Variants in RFX3 observed in about 807,000 individuals in gnomAD.
RFX3 encodes regulatory factor X3.
A neutral mutation model predicts 98.6 loss-of-function variants in RFX3; 14 were observed. The ratio of observed to expected loss-of-function variants is 0.14; its 90% CI spans 0.09 to 0.22. The LOEUF (loss-of-function observed/expected upper bound fraction) is 0.22. RFX3 is among the 10% of genes least tolerant of loss of function. RFX3 has a pLI of 1.00. For missense variants in RFX3, 639 were observed against 926.9 expected, an observed-to-expected ratio of 0.69 and a Z score of 4.03; for synonymous variants, 383 against 328.4, an observed-to-expected ratio of 1.17 and a Z score of -1.80.
chr9:3,501,554 C>CTTTTTTT (rs1051300818), intron 1 of RFX3, among the ~76,000 whole-genome samples: 1 of 122,636 alleles, frequency 8.2e-6, no homozygotes, highest in Non-Finnish European at 1.7e-5. Flanking sequence ...TTTTTTCCTT[C>CTTTTTTT]TTTTTTTTTT....
intron 1 of RFX3, among the ~76,000 whole-genome samples, chr9:3,478,137 TC>T: frequency 6.6e-6 from 1 of 152,280 alleles, no homozygotes; most frequent in South Asian, 2.1e-4. Context: ...AAATCTAGGC[TC>T]CCACAGGGAC....
At chr9:3,375,946 C>T (rs1040088040) in intron 2 of RFX3, among the ~76,000 whole-genome samples, 7 of 150,868 alleles carry the variant, frequency 4.6e-5, no homozygotes, top group East Asian at 1.9e-4. Context: ...GGTGACAGAG[C>T]GAGACTCCAT....
chr9:3,433,098 C>T (rs888787235), intron 1 of RFX3, among the ~76,000 whole-genome samples: 3 of 152,110 alleles, frequency 2.0e-5, no homozygotes, highest in East Asian at 1.9e-4. Context: ...CGGCCCCATA[C>T]ATGTGGGTTG....
At chr9:3,343,697 C>T (rs1201231607) in intron 3 of RFX3, among the ~76,000 whole-genome samples, 1 of 152,166 alleles carries the variant, frequency 6.6e-6, no homozygotes, top group Non-Finnish European at 1.5e-5. Context: ...AATGATGCTA[C>T]AGAACCTTTA....
intron 4 of RFX3, among the ~76,000 whole-genome samples, chr9:3,314,525 T>C (rs1041227062): frequency 2.0e-5 from 3 of 152,156 alleles, no homozygotes; most frequent in African/African-American, 7.2e-5. Context: ...CATAACTATA[T>C]TAACCTTAAA....
intron 1 of RFX3, among the ~76,000 whole-genome samples, chr9:3,490,948 T>C (rs1368256421): frequency 6.6e-6 from 1 of 152,124 alleles, no homozygotes; most frequent in Non-Finnish European, 1.5e-5. Flanking sequence ...CATGTATGTG[T>C]TTATGTATGT....
intron 15 of RFX3, among the ~76,000 whole-genome samples, chr9:3,230,314 T>C (rs1350878607): frequency 6.6e-6 from 1 of 152,208 alleles, no homozygotes; most frequent in Non-Finnish European, 1.5e-5. Context: ...ATGTAATTAT[T>C]AGTATGTTTA....
intron 1 of RFX3, among the ~76,000 whole-genome samples, chr9:3,442,326 C>T (rs1185879460): frequency 6.6e-6 from 1 of 151,750 alleles, no homozygotes; most frequent in African/African-American, 2.4e-5. Flanking sequence ...ATGAGAAAGG[C>T]ACCTCTCCCA....
chr9:3,461,474 A>G (rs1229460565), intron 1 of RFX3, among the ~76,000 whole-genome samples: 1 of 152,028 alleles, frequency 6.6e-6, no homozygotes, highest in Non-Finnish European at 1.5e-5. Context: ...TACATCTATC[A>G]GTTTTCTCAT....
rs369805439 is a variant in RFX3 at position 3,467,125 on chromosome 9, TG to T, written c.-9+58621del. Among the ~76,000 whole-genome samples the T allele has an allele frequency of 7.3e-4, 69 of 95,092 alleles. 1 individual carries two copies. The highest frequency in any genetic ancestry group is 5.5e-3 in the African/African-American group (57 of 10,404). 62.4% of individuals were successfully genotyped at this position (95,092 alleles called of 152,430 possible). A position where few individuals can be genotyped will look rare whatever the true frequency, so the allele number is the denominator to read the frequency against. ...GTATATATGTATATACATACATATA[TG>T]TAAGTATATATGTATATACATAATA... On this transcript the variant is annotated intron_variant, in intron 1 of 16. Coordinates refer to ENST00000617270, the MANE Select transcript of RFX3 (RefSeq NM_001282116.2).
chr9:3,369,491 A>C (rs1001257890), intron 2 of RFX3, among the ~76,000 whole-genome samples: 1 of 152,146 alleles, frequency 6.6e-6, no homozygotes, highest in African/African-American at 2.4e-5. Flanking sequence ...AGACCATAGA[A>C]ATTTCCAAAT....
At chr9:3,422,585 C>G (rs1007002659) in intron 1 of RFX3, among the ~76,000 whole-genome samples, 1 of 152,198 alleles carries the variant, frequency 6.6e-6, no homozygotes, top group Non-Finnish European at 1.5e-5. Flanking sequence ...ATTTACAGAT[C>G]AAATTCAACA....
At chr9:3,387,005 TC>T (rs892478426) in intron 2 of RFX3, among the ~76,000 whole-genome samples, 2 of 152,144 alleles carry the variant, frequency 1.3e-5, no homozygotes, top group African/African-American at 4.8e-5. Flanking sequence ...CAGGTTCCTC[TC>T]CCCAGTCACC....
intron 2 of RFX3, among the ~76,000 whole-genome samples, chr9:3,391,008 A>G (rs1840258194): frequency 6.6e-6 from 1 of 152,180 alleles, no homozygotes; most frequent in African/African-American, 2.4e-5. Context: ...AATTAGCTAT[A>G]AACTTTCTCT....
intron 14 of RFX3, among the ~76,000 whole-genome samples, chr9:3,252,953 C>A (rs958183019): frequency 6.6e-6 from 1 of 152,094 alleles, no homozygotes; most frequent in Non-Finnish European, 1.5e-5. Flanking sequence ...GTCAGGCCTC[C>A]GCTTTACATG....
intron 11 of RFX3, among the ~76,000 whole-genome samples, chr9:3,267,319 T>A (rs1431052789): frequency 6.6e-6 from 1 of 151,926 alleles, no homozygotes; most frequent in East Asian, 1.9e-4. Flanking sequence ...TATGCTACTA[T>A]AAGAAACACA....
chr9:3,493,726 T>TAC (rs775634396), intron 1 of RFX3, among the ~76,000 whole-genome samples: 14 of 135,482 alleles, frequency 1.0e-4, no homozygotes, highest in African/African-American at 1.9e-4. Flanking sequence ...TATATATATA[T>TAC]ACATACATAC....
intron 1 of RFX3, among the ~76,000 whole-genome samples, chr9:3,478,038 T>G (rs745568549): frequency 3.3e-5 from 5 of 152,164 alleles, no homozygotes; most frequent in Non-Finnish European, 5.9e-5. Context: ...GAAACACCAT[T>G]CTGATGCTTC....
chr9:3,303,081 ATTCTC>A (rs1227189453), intron 4 of RFX3, among the ~76,000 whole-genome samples: 1 of 151,830 alleles, frequency 6.6e-6, no homozygotes, highest in Non-Finnish European at 1.5e-5. Flanking sequence ...CTTCTTAATC[ATTCTC>A]TTCTAAGAAA....
Sources: allele counts gnomAD v4.1 joint callset (sites outside exome capture counted in the v4.1 genomes callset), GRCh38; gene constraint gnomAD v4.1.1; transcripts MANE v1.5; gene names NCBI Gene and HGNC (gene_info 2026-07-23, HGNC 2026-07-21).